The following GCN1 variants were observed in gnomAD, a reference collection of about 807,000 sequenced individuals.
GCN1 encodes stalled ribosome sensor GCN1.
GCN1 carries 90 observed loss-of-function variants against 288.4 expected under a neutral mutation model. The observed-to-expected ratio is 0.31, with a 90% CI of 0.26 to 0.37. The LOEUF (loss-of-function observed/expected upper bound fraction) is 0.37. Ranked by LOEUF, GCN1 falls within the 10% of genes least tolerant of loss-of-function variation. GCN1 has a pLI of 1.00. For missense variants in GCN1, 2,586 were observed against 3,419.9 expected (o/e 0.76, Z 6.08); for synonymous variants, 1,386 against 1,420.2 (o/e 0.98, Z 0.54).
In GCN1 at chr12:120,178,810, C is replaced by T. The variant is rs756383547; in HGVS notation, c.525+42G>A. 1.4e-5 allele frequency: 22 copies of T among 1,613,568 alleles called. No individual in the cohort carries two copies. The Middle Eastern group carries it at 1.2e-3, about 84-fold the overall frequency. ...GTTTAAGATGGCAGTGGGGGAGTGG[C>T]ATGGAAGAAGCAATGCCCACCAGCC... On this transcript the variant is annotated intron_variant, in intron 6 of 57. Coordinates refer to ENST00000300648, the MANE Select transcript of GCN1 (RefSeq NM_006836.2).
At chr12:120,139,630 TA>T (rs57032535) in intron 45 of GCN1, among the ~76,000 whole-genome samples, 59 of 139,420 alleles carry the variant, frequency 4.2e-4, no homozygotes, top group East Asian at 4.1e-4. Context: ...CCCGTCTCAA[TA>T]AAAAAAAAAA....
Position 120,138,156 on chromosome 12 carries a change from T to C in GCN1, c.6250-112A>G, listed in dbSNP as rs577449493. On this transcript the variant is annotated intron_variant, in intron 47 of 57. Transcript: ENST00000300648. Reference sequence around the variant, plus strand: ...CAAGCCCACTGCTCAGAGCCAAGCATCTACTCCAGCATATCTTGGAAGACA... The same window carrying C: ...CAAGCCCACTGCTCAGAGCCAAGCACCTACTCCAGCATATCTTGGAAGACA... 1.6e-5 allele frequency: 17 copies of C among 1,045,866 alleles called. No homozygotes were observed. In the East Asian group the frequency reaches 4.3e-4, roughly 27 times the overall value. The allele number at this position is 1,045,866 out of a possible 1,614,324, so 64.8% of individuals were successfully genotyped here.
intron 56 of GCN1, among the ~76,000 whole-genome samples, chr12:120,129,846 G>C (rs977991169): frequency 6.6e-6 from 1 of 152,120 alleles, no homozygotes; most frequent in African/African-American, 2.4e-5. Context: ...CTTTAGAGGT[G>C]CCCCCTGCCA....
intron 5 of GCN1, among the ~76,000 whole-genome samples, chr12:120,180,907 G>A (rs937628140): frequency 2.0e-5 from 3 of 151,482 alleles, no homozygotes; most frequent in Admixed American, 6.6e-5. Context: ...GGAGAATGGC[G>A]TGAACCCGTG....
At chr12:120,143,588 GA>G (rs398055996) in intron 42 of GCN1, among the ~76,000 whole-genome samples, 267 of 119,498 alleles carry the variant, frequency 2.2e-3, no homozygotes, top group South Asian at 6.0e-3. Context: ...TCTCAAAAAG[GA>G]AAAAAAAAAA....
Position 120,158,643 on chromosome 12 carries a change from G to GA in GCN1, c.2750-29dup, listed in dbSNP as rs940778130. The stretch of plus-strand genomic sequence containing the variant: ...GTGTTGAAGAGGAGAGACCCAGCAG[G>GA]AGATGACACACAGAGATGTGGAATC... On this transcript the variant is annotated intron_variant, in intron 24 of 57. Transcript: ENST00000300648. This position sits in a 1 kb window ranked among gnomAD's most constrained non-coding sequence, Gnocchi z 4.3. The GA allele has an allele frequency of 6.3e-7, 1 of 1,575,548 alleles. No homozygotes were observed. Among genetic ancestry groups the GA allele is most frequent in the African/African-American group, 1.3e-5 (1 of 74,434 alleles).
intron 10 of GCN1, 92 bp downstream of exon 10, chr12:120,176,051 G>T: frequency 8.0e-7 from 1 of 1,248,632 alleles, no homozygotes; most frequent in South Asian, 1.2e-5. Context: ...TTACTACCCT[G>T]AGCTGTCCCC....
rs373442103 is a variant in GCN1 at position 120,127,804 on chromosome 12, T to A, written c.*45A>T. 60 of 1,588,812 alleles carry A rather than the reference T, an allele frequency of 3.8e-5. No individual in the cohort carries two copies. In the Middle Eastern group the frequency reaches 1.1e-3, roughly 28 times the overall value. ...AATGTATTTTCAAAAATGAAAACAT[T>A]GAGCAAAGATGTGGAGCGGCAATGC... On this transcript the variant is annotated 3_prime_UTR_variant, in exon 58 of 58. Transcript: ENST00000300648.
Position 120,144,937 on chromosome 12 carries a change from G to A in GCN1, c.5141C>T (p.Ser1714Leu). 1 of 1,614,186 alleles carries A rather than the reference G, an allele frequency of 6.2e-7. No homozygotes were observed. Among genetic ancestry groups the A allele is most frequent in the Non-Finnish European group, 8.5e-7 (1 of 1,180,036 alleles). ...TCTGGCCTTACCCTGTGCAGCGCCT[G>A]AGCGATCCACAGAGCTCTGCTCATA... ...LTYEQSSVDR[S>L]GAAQGLAEVM... The change falls in exon 40 of 58, where the codon TCA (serine) becomes TTA (leucine). Residue 1714 changes from serine (S) to leucine (L), a missense_variant. Ser to Leu is a moderately radical substitution (Grantham distance 145). Transcript: ENST00000300648. This position sits in a 1 kb window ranked among gnomAD's most constrained non-coding sequence, Gnocchi z 4.7.
At chr12:120,133,845 G>C (rs779387050) in intron 53 of GCN1, among the ~76,000 whole-genome samples, 1 of 152,116 alleles carries the variant, frequency 6.6e-6, no homozygotes, top group Non-Finnish European at 1.5e-5. Context: ...CGAGGCGGGT[G>C]GATCACCTGA....
chr12:120,184,812 G>A lies in GCN1; in HGVS notation c.185+12C>T. ...AAGTGCTCCACATATGGGGCCTTTG[G>A]CTGGGACTCACCTATATCGATGCAG... On this transcript the variant is annotated intron_variant, in intron 3 of 57. Coordinates refer to ENST00000300648, the MANE Select transcript of GCN1 (RefSeq NM_006836.2). 3 of 1,593,658 alleles carry A rather than the reference G, an allele frequency of 1.9e-6. No homozygotes were observed. Among genetic ancestry groups the A allele is most frequent in the Non-Finnish European group, 2.6e-6 (3 of 1,161,950 alleles).
At position 120,178,605 on chromosome 12, in the gene GCN1, C is replaced by T; in HGVS notation, c.660+20G>A. The T allele has an allele frequency of 4.3e-6, 7 of 1,613,924 alleles. No individual in the cohort carries two copies. The highest frequency in any genetic ancestry group is 5.9e-6 in the Non-Finnish European group (7 of 1,179,794). On this transcript the variant is annotated intron_variant, in intron 7 of 57. Coordinates refer to ENST00000300648, the MANE Select transcript of GCN1 (RefSeq NM_006836.2). ...ATCCCCAACATAGCAAACCCACAGT[C>T]ACTCTGCCTTGGCACTTGCCTTGTG...
chr12:120,151,673 G>GACCAAGGA (rs1877559669), intron 33 of GCN1, among the ~76,000 whole-genome samples: 2 of 152,226 alleles, frequency 1.3e-5, no homozygotes, highest in African/African-American at 4.8e-5. Context: ...TGGGGCAGGG[G>GACCAAGGA]ACCAAGGAAG....
intron 1 of GCN1, among the ~76,000 whole-genome samples, 188 bp from the exon 2 acceptor site, chr12:120,190,588 T>C (rs1878972118): frequency 6.6e-6 from 1 of 152,112 alleles, no homozygotes; most frequent in Non-Finnish European, 1.5e-5. Flanking sequence ...TCCAGGTCTC[T>C]ACCCACTCGA....
Position 120,129,457 on chromosome 12 carries a change from G to A in GCN1, c.7709C>T (p.Ala2570Val), listed in dbSNP as rs375723158. The A allele has an allele frequency of 3.0e-5, 49 of 1,614,026 alleles. No homozygotes were observed. The highest frequency in any genetic ancestry group is 3.8e-5 in the Non-Finnish European group (45 of 1,179,886). ...ATTTGCCCACCAGATCATCTTCTCA[G>A]CCACCAGCCTGATGTCGCTGGATGG... Reference protein sequence around the residue: ...QNPSSDIRLVAEKMIWWANKD... With the variant: ...QNPSSDIRLVVEKMIWWANKD... The change falls in exon 57 of 58, where the codon GCT becomes GTT. Residue 2570 changes from alanine (A) to valine (V), a missense_variant. By Grantham distance (64) the Ala-to-Val change is moderately conservative. Transcript: ENST00000300648.
intron 13 of GCN1, 61 bp from the exon 14 acceptor site, chr12:120,173,887 A>C: frequency 1.4e-6 from 2 of 1,437,314 alleles, no homozygotes; most frequent in Non-Finnish European, 1.9e-6. Flanking sequence ...AAATCATTGC[A>C]AGCAGTGCAA....
chr12:120,187,216 T>G (rs979066052), intron 2 of GCN1, among the ~76,000 whole-genome samples: 43 of 150,314 alleles, frequency 2.9e-4, no homozygotes, highest in Non-Finnish European at 5.9e-4. Flanking sequence ...TGATTTTCTT[T>G]TTTTTTTTTT....
At chr12:120,138,611 T>C in intron 46 of GCN1, 84 bp downstream of exon 46, 1 of 1,410,220 alleles carries the variant, frequency 7.1e-7, no homozygotes. Flanking sequence ...GCGACTGCCT[T>C]GGCAGAATAA....
chr12:120,138,508 C>T (rs1030788025), intron 46 of GCN1, 93 bp from the exon 47 acceptor site: 3 of 1,026,338 alleles, frequency 2.9e-6, no homozygotes, highest in Non-Finnish European at 4.6e-6. Flanking sequence ...GTTTCCCTCC[C>T]TCCTGTTGCA....
Sources: allele counts gnomAD v4.1 joint callset (sites outside exome capture counted in the v4.1 genomes callset), GRCh38; gene constraint gnomAD v4.1.1; non-coding constraint Gnocchi (gnomAD v3.1); transcripts MANE v1.5; gene names NCBI Gene and HGNC (gene_info 2026-07-23, HGNC 2026-07-21).